The following EXO1 variants were observed in gnomAD, a reference collection of about 807,000 sequenced individuals.
EXO1 encodes exonuclease 1.
A neutral mutation model predicts 84.5 loss-of-function variants in EXO1; 69 were observed. The observed-to-expected ratio is 0.82, with a 90% CI of 0.67 to 1.00. The LOEUF (loss-of-function observed/expected upper bound fraction) is 1.00, where lower values mean the gene tolerates loss of function less well. EXO1 is among the 50% of genes least tolerant of loss of function. The probability of loss-of-function intolerance (pLI) is 0.00; values close to 1 mark genes in which losing one functional copy is unlikely to be tolerated. For synonymous variants in EXO1, 373 were observed against 366.1 expected (o/e 1.02, Z -0.21); for missense variants, 1,045 against 1,000.7 (o/e 1.04, Z -0.60).
chr1:241,868,101 G>A (rs1661855423), intron 11 of EXO1, among the ~76,000 whole-genome samples: 1 of 151,980 alleles, frequency 6.6e-6, no homozygotes, highest in South Asian at 2.1e-4. Flanking sequence ...AAGGCCGGGT[G>A]CGGTGGCTCA....
intron 6 of EXO1, 38 bp downstream of exon 6, chr1:241,853,519 T>C: frequency 6.2e-7 from 1 of 1,611,886 alleles, no homozygotes; most frequent in Non-Finnish European, 8.5e-7. Flanking sequence ...TCACCAAAGC[T>C]AGTTACAACT....
intron 14 of EXO1, among the ~76,000 whole-genome samples, chr1:241,882,385 G>A (rs1662823876): frequency 6.6e-6 from 1 of 152,122 alleles, no homozygotes; most frequent in Non-Finnish European, 1.5e-5. Flanking sequence ...TTCTTGATTA[G>A]TTTGTAAGGA....
chr1:241,868,013 G>A lies in EXO1; in HGVS notation c.1267+958G>A, dbSNP rs868044924. ...TGCAACGTTTTGGGAGGCCAAGGCA[G>A]GTGGATTGCTTGAGCCTAGGAGTTC... On this transcript the variant is annotated intron_variant, in intron 11 of 15. Coordinates refer to ENST00000366548, the MANE Select transcript of EXO1 (RefSeq NM_130398.4). Among the ~76,000 whole-genome samples, 6 of 152,056 alleles carry A rather than the reference G, an allele frequency of 3.9e-5. No individual in the cohort carries two copies. In the East Asian group the frequency reaches 1.2e-3, roughly 29 times the overall value.
intron 10 of EXO1, among the ~76,000 whole-genome samples, chr1:241,863,160 T>C (rs1231113430): frequency 6.6e-6 from 1 of 152,202 alleles, no homozygotes; most frequent in Non-Finnish European, 1.5e-5. Context: ...TTCCAGGTGC[T>C]CTTTTAAGCA....
At chr1:241,881,836 T>C in intron 13 of EXO1, 80 bp from the exon 14 acceptor site, 1 of 694,284 alleles carries the variant, frequency 1.4e-6, no homozygotes, top group Non-Finnish European at 2.6e-6. Flanking sequence ...TCTTCCATTT[T>C]GTTGAATATT....
At chr1:241,853,510 C>T (rs1454943633) in intron 6 of EXO1, 29 bp downstream of exon 6, 1 of 1,613,088 alleles carries the variant, frequency 6.2e-7, no homozygotes, top group Non-Finnish European at 8.5e-7. Context: ...TGGGCAAGTT[C>T]ACCAAAGCTA....
chr1:241,878,795 A>C lies in EXO1; in HGVS notation c.1561A>C (p.Ser521Arg), dbSNP rs1274977880. ...TACTGACTGTGTATCAAACAAAGTG[A>C]GCATCCAGCCTCTGGATGAAACTGC... The part of the protein sequence containing the change: ...DSTDCVSNKV[S>R]IQPLDETAVT... Residue 521 changes from serine (S) to arginine (R), a missense_variant, in exon 13 of 16, where the codon AGC becomes CGC. Physicochemically the swap from Ser to Arg is moderately radical, Grantham distance 110. Coordinates refer to ENST00000366548, the MANE Select transcript of EXO1 (RefSeq NM_130398.4). 3 of 1,613,648 alleles carry C rather than the reference A, an allele frequency of 1.9e-6. No homozygotes were observed. The African/African-American group carries it at 4.0e-5, about 22-fold the overall frequency.
intron 13 of EXO1, among the ~76,000 whole-genome samples, chr1:241,880,330 A>C (rs1382527391): frequency 6.6e-6 from 1 of 152,142 alleles, no homozygotes; most frequent in Non-Finnish European, 1.5e-5. Context: ...ATTTGTGAGG[A>C]TATTAAGTCT....
At chr1:241,858,439 T>C in intron 7 of EXO1, 67 bp from the exon 8 acceptor site, 1 of 923,730 alleles carries the variant, frequency 1.1e-6, no homozygotes, top group Admixed American at 1.8e-5. Flanking sequence ...CTTAAAATTA[T>C]TGCAGTGGAT....
intron 8 of EXO1, 100 bp from the exon 9 acceptor site, chr1:241,860,417 T>C (rs912715862): frequency 2.1e-6 from 2 of 936,460 alleles, no homozygotes; most frequent in South Asian, 2.7e-5. Flanking sequence ...AAGCAGTTAA[T>C]GTTTCAATCC....
intron 8 of EXO1, 64 bp downstream of exon 8, chr1:241,858,782 T>TC: frequency 9.6e-7 from 1 of 1,046,182 alleles, no homozygotes; most frequent in Non-Finnish European, 1.5e-6. Context: ...AAATAATAAA[T>TC]CATAATATGG....
At chr1:241,862,034 G>C (rs1240395306) in intron 10 of EXO1, among the ~76,000 whole-genome samples, 6 of 152,130 alleles carry the variant, frequency 3.9e-5, no homozygotes, top group Admixed American at 6.5e-5. Flanking sequence ...CGCCTCCCAG[G>C]TTCGAGCAAT....
chr1:241,860,709 C>G lies in EXO1; in HGVS notation c.944+5C>G. 6 of 1,608,274 alleles carry G rather than the reference C, an allele frequency of 3.7e-6. No homozygotes were observed. Among genetic ancestry groups the G allele is most frequent in the East Asian group, 2.2e-5 (1 of 44,830 alleles). On this transcript the variant is annotated splice_donor_5th_base_variant and intron_variant, in intron 9 of 15. Coordinates refer to ENST00000366548, the MANE Select transcript of EXO1 (RefSeq NM_130398.4). ...AACACTAAGCTACGCTGGGCAGTAT[C>G]CTTTCTGAAACAGAATGGTAGAATT...
At chr1:241,882,249 T>C (rs911169948) in intron 14 of EXO1, among the ~76,000 whole-genome samples, 1 of 152,214 alleles carries the variant, frequency 6.6e-6, no homozygotes, top group Non-Finnish European at 1.5e-5. Context: ...ATTAATGTAA[T>C]GACTTTATAA....
chr1:241,850,424 C>G lies in EXO1; in HGVS notation c.-2C>G. On this transcript the variant is annotated 5_prime_UTR_variant, in exon 4 of 16. Coordinates refer to ENST00000366548, the MANE Select transcript of EXO1 (RefSeq NM_130398.4). ...TTCATATCAGGTAGTTAATTTGGCA[C>G]CATGGGGATACAGGGATTGCTACAA... 6.2e-7 allele frequency: 1 copy of G among 1,612,416 alleles called. No individual in the cohort carries two copies. Among genetic ancestry groups the G allele is most frequent in the Non-Finnish European group, 8.5e-7 (1 of 1,178,536 alleles).
Position 241,879,285 on chromosome 1 carries a change from T to G in EXO1, c.2051T>G (p.Leu684Arg), listed in dbSNP as rs1170638048. 3.1e-6 allele frequency: 5 copies of G among 1,604,272 alleles called. No individual in the cohort carries two copies. The highest frequency in any genetic ancestry group is 4.2e-6 in the Non-Finnish European group (5 of 1,177,244). Residue 684 changes from leucine to arginine, a missense_variant, in exon 13 of 16, where the codon CTG (leucine) becomes CGG (arginine). Physicochemically the swap from Leu to Arg is moderately radical, Grantham distance 102. Coordinates refer to ENST00000366548, the MANE Select transcript of EXO1 (RefSeq NM_130398.4). ...TCCCAGGAAAGTGGAGAATTCTCAC[T>G]GCAGAGTTCAAATGCATCAAAGCTT... is the stretch of plus-strand genomic sequence containing the variant. ...SQSQESGEFSLQSSNASKLSQ... is the reference protein window; with the variant it reads ...SQSQESGEFSRQSSNASKLSQ...
In EXO1 at chr1:241,860,686, C is replaced by T. The variant is rs1480717226; in HGVS notation, c.926C>T (p.Thr309Ile). Residue 309 changes from threonine to isoleucine, a missense_variant, in exon 9 of 16, where the codon ACA becomes ATA. Physicochemically the swap from Thr to Ile is moderately conservative, Grantham distance 89. Coordinates refer to ENST00000366548, the MANE Select transcript of EXO1 (RefSeq NM_130398.4). Reference sequence around the variant, plus strand: ...TATGAAGATGATGTTGATCCTGAAACACTAAGCTACGCTGGGCAGTATCCT... The same window carrying T: ...TATGAAGATGATGTTGATCCTGAAATACTAAGCTACGCTGGGCAGTATCCT... ...NAYEDDVDPE[T>I]LSYAGQYVDD... 16 of 1,613,376 alleles carry T rather than the reference C, an allele frequency of 9.9e-6. No homozygotes were observed. Among genetic ancestry groups the T allele is most frequent in the Non-Finnish European group, 1.4e-5 (16 of 1,179,464 alleles).
At chr1:241,849,741 T>C (rs1473802319) in intron 3 of EXO1, among the ~76,000 whole-genome samples, 1 of 152,220 alleles carries the variant, frequency 6.6e-6, no homozygotes, top group Non-Finnish European at 1.5e-5. Flanking sequence ...TTGACCCTTA[T>C]GATTAATGCC....
In EXO1 at chr1:241,885,378, G is replaced by A. The variant is rs4150001; in HGVS notation, c.2276G>A (p.Gly759Glu). 8.7e-3 allele frequency: 14,028 copies of A among 1,613,746 alleles called. 90 individuals carry two copies. Among genetic ancestry groups the A allele is most frequent in the Non-Finnish European group, 9.1e-3 (10,729 of 1,179,834 alleles). The change falls in exon 15 of 16, where the codon GGA becomes GAA. Residue 759 changes from glycine to glutamate, a missense_variant. Gly to Glu is a moderately conservative substitution (Grantham distance 98, BLOSUM62 -2). Coordinates refer to ENST00000366548, the MANE Select transcript of EXO1 (RefSeq NM_130398.4). The stretch of plus-strand genomic sequence containing the variant: ...TCTACAACCAAGATCAAACCTCTAG[G>A]ACCTGCCAGAGCCAGTGGGCTGAGC... ...SLSTTKIKPL[G>E]PARASGLSKK...
Sources: allele counts gnomAD v4.1 joint callset (sites outside exome capture counted in the v4.1 genomes callset), GRCh38; gene constraint gnomAD v4.1.1; transcripts MANE v1.5; gene names NCBI Gene and HGNC (gene_info 2026-07-23, HGNC 2026-07-21).